Variants in ARHGEF9 observed in about 807,000 individuals in gnomAD.
The protein encoded by ARHGEF9 is Cdc42 guanine nucleotide exchange factor 9.
In ARHGEF9, 2 loss-of-function variants were observed where a neutral mutation model predicts 41.3. The observed-to-expected ratio is 0.05, with a 90% CI of 0.02 to 0.15. ARHGEF9 has a LOEUF of 0.15. Among genes scored for constraint, ARHGEF9 ranks in the 10% least tolerant of loss-of-function variants. The probability of loss-of-function intolerance (pLI) is 1.00; values close to 1 mark genes in which losing one functional copy is unlikely to be tolerated. For synonymous variants in ARHGEF9, 160 were observed against 154.4 expected, an observed-to-expected ratio of 1.04 and a Z score of -0.27; for missense variants, 225 against 424.7, an observed-to-expected ratio of 0.53 and a Z score of 4.13.
At chrX:63,687,221 T>C (rs2051040334) in intron 4 of ARHGEF9, among the ~76,000 whole-genome samples, 1 of 111,830 alleles carries the variant, frequency 8.9e-6, no homozygotes, top group Non-Finnish European at 1.9e-5. Context: ...CCCACAGAGC[T>C]GGGGTATCTT....
chrX:63,770,502 C>G (rs1225623799), intron 1 of ARHGEF9, among the ~76,000 whole-genome samples: 7 of 111,880 alleles, frequency 6.3e-5, no homozygotes, highest in African/African-American at 1.9e-4. Flanking sequence ...AAAATGTAAA[C>G]TTTTGGGTTA....
In ARHGEF9 at chrX:63,637,229, C is replaced by A. The variant is rs1416439086; in HGVS notation, c.*799G>T. On this transcript the variant is annotated 3_prime_UTR_variant, in exon 10 of 10. Coordinates refer to ENST00000671741, the MANE Select transcript of ARHGEF9 (RefSeq NM_001353921.2). ...AAACAGCCTGAATGCAAAATGTTCC[C>A]TGAACAGAAGTCCACTCCAGCATCA... The A allele has an allele frequency of 2.0e-5, 6 of 296,020 alleles. No homozygotes were observed. Among genetic ancestry groups the A allele is most frequent in the African/African-American group, 1.6e-4 (6 of 36,481 alleles). The allele number at this position is 296,020 out of a possible 1,213,427, so 24.4% of individuals were successfully genotyped here.
rs369631478 is a variant in ARHGEF9, at chrX:63,758,780, C to T, written c.30+26336G>A. On this transcript the variant is annotated intron_variant, in intron 1 of 9. Transcript: ENST00000671741. ...GATAGTCCTCTCCCATAGGATCCTA[C>T]GTTTAGCCCTCTTGAAACATTTATT... Among the ~76,000 whole-genome samples, 170 of 112,446 alleles carry T rather than the reference C, an allele frequency of 1.5e-3. No individual in the cohort carries two copies. The East Asian group carries it at 0.015, about 10-fold the overall frequency.
At chrX:63,662,306 T>C (rs1169682116) in intron 7 of ARHGEF9, among the ~76,000 whole-genome samples, 1 of 112,039 alleles carries the variant, frequency 8.9e-6, no homozygotes, top group Non-Finnish European at 1.9e-5. Flanking sequence ...GTTTTATCTA[T>C]CACTCCATAT....
intron 8 of ARHGEF9, among the ~76,000 whole-genome samples, chrX:63,652,637 T>C (rs2048620539): frequency 9.0e-6 from 1 of 111,148 alleles, no homozygotes; most frequent in Non-Finnish European, 1.9e-5. Flanking sequence ...AAGAAAAGTG[T>C]GATGAATTTA....
chrX:63,645,582 T>G (rs1412561096), intron 8 of ARHGEF9, among the ~76,000 whole-genome samples: 1 of 112,314 alleles, frequency 8.9e-6, no homozygotes, highest in Admixed American at 9.5e-5. Flanking sequence ...GGCTGCATAG[T>G]ATTCCATGGT....
chrX:63,706,704 T>C (rs1434494244), intron 2 of ARHGEF9, among the ~76,000 whole-genome samples: 1 of 111,727 alleles, frequency 9.0e-6, no homozygotes, highest in Admixed American at 9.5e-5. Context: ...GGAGCACATC[T>C]AGGTAGCACA....
intron 1 of ARHGEF9, among the ~76,000 whole-genome samples, chrX:63,758,237 G>T (rs1270455136): frequency 5.5e-5 from 6 of 109,411 alleles, no homozygotes; most frequent in Non-Finnish European, 9.5e-5. Flanking sequence ...AGACAAGGCA[G>T]CATGCTCCTA....
Position 63,643,962 on chromosome X carries a change from T to C in ARHGEF9, c.1390+18A>G, listed in dbSNP as rs782653539. Reference sequence around the variant, plus strand: ...TGATTCCATAGTCTTTCACAGAGACTGAGTGGGGCAGCTTTACCTTTTTGC... The same window carrying C: ...TGATTCCATAGTCTTTCACAGAGACCGAGTGGGGCAGCTTTACCTTTTTGC... On this transcript the variant is annotated intron_variant, in intron 9 of 9. Coordinates refer to ENST00000671741, the MANE Select transcript of ARHGEF9 (RefSeq NM_001353921.2). 19 of 1,201,907 alleles carry C rather than the reference T, an allele frequency of 1.6e-5. No homozygotes were observed. Among genetic ancestry groups the C allele is most frequent in the Admixed American group, 2.2e-5 (1 of 45,490 alleles).
At position 63,785,153 on chromosome X, in the gene ARHGEF9, G is replaced by T; in HGVS notation, c.-8C>A. The T allele has an allele frequency of 8.6e-7, 1 of 1,164,481 alleles. No individual in the cohort carries two copies. The highest frequency in any genetic ancestry group is 1.9e-5 in the South Asian group (1 of 52,359). On this transcript the variant is annotated 5_prime_UTR_variant, in exon 1 of 10. Coordinates refer to ENST00000671741, the MANE Select transcript of ARHGEF9 (RefSeq NM_001353921.2). ...GCCCCTTATCCACTGCATGGTGCTT[G>T]CGAAGTCCGGCTTCTCTGAGGCCCC...
At chrX:63,703,041 T>C (rs1432793435) in intron 3 of ARHGEF9, 2 of 111,904 alleles carry the variant, frequency 1.8e-5, no homozygotes, top group Admixed American at 1.9e-4. Flanking sequence ...CAGCTTTTGG[T>C]TTAAAGATTA....
At chrX:63,653,386 T>A (rs1236635878) in intron 8 of ARHGEF9, among the ~76,000 whole-genome samples, 14 of 111,636 alleles carry the variant, frequency 1.3e-4, no homozygotes, top group Middle Eastern at 4.6e-3. Flanking sequence ...CTCTATGGAA[T>A]TCTGAGCCAC....
chrX:63,772,889 G>A (rs1281782188), intron 1 of ARHGEF9, among the ~76,000 whole-genome samples: 1 of 111,068 alleles, frequency 9.0e-6, no homozygotes, highest in African/African-American at 3.3e-5. Flanking sequence ...TATTCCTGCT[G>A]CCTCCCCTCA....
chrX:63,678,674 A>G lies in ARHGEF9; in HGVS notation c.583-102T>C. ...ATCATATTCTTAGGCAGAAATATTA[A>G]AATGATAATGAGTCAATTATTCTTA... On this transcript the variant is annotated intron_variant, in intron 4 of 9. Coordinates refer to ENST00000671741, the MANE Select transcript of ARHGEF9 (RefSeq NM_001353921.2). 3 of 545,713 alleles carry G rather than the reference A, an allele frequency of 5.5e-6. No homozygotes were observed. The South Asian group carries it at 8.2e-5, about 15-fold the overall frequency. 45.0% of individuals were successfully genotyped at this position (545,713 alleles called of 1,213,427 possible).
At chrX:63,777,785 ATCT>A (rs1569507560) in intron 1 of ARHGEF9, among the ~76,000 whole-genome samples, 2 of 112,133 alleles carry the variant, frequency 1.8e-5, no homozygotes, top group Non-Finnish European at 3.8e-5. Flanking sequence ...CTCCAAAATA[ATCT>A]TCTTTGACGC....
At chrX:63,711,731 T>C (rs1556407022) in intron 2 of ARHGEF9, among the ~76,000 whole-genome samples, 1 of 111,651 alleles carries the variant, frequency 9.0e-6, no homozygotes, top group African/African-American at 3.3e-5. Flanking sequence ...TCTGTAACAT[T>C]AGACAATAGT....
chrX:63,696,869 TGTGA>T (rs1475643393), intron 4 of ARHGEF9, among the ~76,000 whole-genome samples: 1 of 111,723 alleles, frequency 9.0e-6, no homozygotes, highest in Non-Finnish European at 1.9e-5. Context: ...TGTGGACTTC[TGTGA>T]GTTTCTCTGG....
At chrX:63,745,873 G>A (rs1169826060) in intron 1 of ARHGEF9, among the ~76,000 whole-genome samples, 2 of 111,727 alleles carry the variant, frequency 1.8e-5, no homozygotes, top group Non-Finnish European at 3.8e-5. Context: ...ATCTGCATAC[G>A]CAAGATGGTT....
intron 9 of ARHGEF9, chrX:63,640,057 G>A (rs1243395793): frequency 2.7e-5 from 3 of 111,565 alleles, no homozygotes; most frequent in East Asian, 5.6e-4. Context: ...GCACAGCAGG[G>A]TAACAGTAGT....
Sources: allele counts gnomAD v4.1 joint callset (sites outside exome capture counted in the v4.1 genomes callset), GRCh38; gene constraint gnomAD v4.1.1; transcripts MANE v1.5; gene names NCBI Gene and HGNC (gene_info 2026-07-23, HGNC 2026-07-21).